Variants in CYP4F11 observed in about 807,000 individuals in gnomAD.
CYP4F11 encodes the protein cytochrome P450 family 4 subfamily F member 11.
CYP4F11 carries 79 observed loss-of-function variants against 62.2 expected under a neutral mutation model. That is an observed-to-expected ratio of 1.27 (90% CI 1.06 to 1.53). The LOEUF is 1.53. Ranked by LOEUF, CYP4F11 falls within the 40% of genes most tolerant of loss-of-function variation. CYP4F11 has a pLI of 0.00. For missense variants in CYP4F11, 777 were observed against 680.5 expected, an observed-to-expected ratio of 1.14 and a Z score of -1.58; for synonymous variants, 290 against 263.7, an observed-to-expected ratio of 1.10 and a Z score of -0.97.
chr19:15,915,665 A>C (rs1016682697), intron 8 of CYP4F11, among the ~76,000 whole-genome samples: 4 of 152,094 alleles, frequency 2.6e-5, no homozygotes, highest in African/African-American at 9.7e-5. Flanking sequence ...ATCTTTTCTC[A>C]TTTAACAGTA....
chr19:15,926,605 A>G (rs979011028), intron 4 of CYP4F11, among the ~76,000 whole-genome samples: 2 of 152,230 alleles, frequency 1.3e-5, no homozygotes, highest in Non-Finnish European at 2.9e-5. Flanking sequence ...GAGACATTGC[A>G]GTCTCCTGGC....
chr19:15,923,281 T>TCTCTCTCTG (rs2089643303), intron 6 of CYP4F11, among the ~76,000 whole-genome samples: 1 of 63,926 alleles, frequency 1.6e-5, no homozygotes, highest in Non-Finnish European at 3.7e-5. Flanking sequence ...CTCTCTCTCT[T>TCTCTCTCTG]TCTCATTCCC....
intron 8 of CYP4F11, among the ~76,000 whole-genome samples, chr19:15,916,979 T>C (rs2089588171): frequency 6.6e-6 from 1 of 152,182 alleles, no homozygotes; most frequent in South Asian, 2.1e-4. Flanking sequence ...ACACGCATGC[T>C]TATAGTAGCA....
In CYP4F11 at chr19:15,914,795, A is replaced by T; in HGVS notation, c.1216T>A (p.Phe406Ile). The T allele has an allele frequency of 6.2e-7, 1 of 1,614,164 alleles. No individual in the cohort carries two copies. Among genetic ancestry groups the T allele is most frequent in the Non-Finnish European group, 8.5e-7 (1 of 1,180,028 alleles). ...PVISRCCTQDFVLPDGRVIPK... is the reference protein window; with the variant it reads ...PVISRCCTQDIVLPDGRVIPK... ...ATGACGCGGCCGTCTGGGAGCACAAAGTCCTGCGTGCAACATCGGGAGATG... is the reference window on the plus strand; with the variant it reads ...ATGACGCGGCCGTCTGGGAGCACAATGTCCTGCGTGCAACATCGGGAGATG... Residue 406 changes from phenylalanine to isoleucine, a missense_variant, in exon 9 of 12, where the codon TTT becomes ATT. Coordinates refer to ENST00000402119, the MANE Select transcript of CYP4F11 (RefSeq NM_021187.4).
Position 15,913,915 on chromosome 19 carries a change from G to A in CYP4F11, c.1398-6C>T, listed in dbSNP as rs2089559444. The stretch of plus-strand genomic sequence containing the variant: ...ACGCCTGCCCGATGCAGTTTCTGGG[G>A]GCAAAAGTGAGGGAATCTGACTGTG... On this transcript the variant is annotated splice_polypyrimidine_tract_variant and splice_region_variant and intron_variant, in intron 11 of 11. Coordinates refer to ENST00000402119, the MANE Select transcript of CYP4F11 (RefSeq NM_021187.4). 6.2e-7 allele frequency: 1 copy of A among 1,608,574 alleles called. No homozygotes were observed. Among genetic ancestry groups the A allele is most frequent in the Non-Finnish European group, 8.5e-7 (1 of 1,177,402 alleles).
rs1275328718 is a variant in CYP4F11 at position 15,912,729 on chromosome 19, GTGTGTA to G, written c.*997_*1002del. 6.2e-4 allele frequency: 42 copies of G among 67,740 alleles called. 2 individuals carry two copies. The highest frequency in any genetic ancestry group is 1.2e-3 in the East Asian group (2 of 1,714). 4.2% of individuals were successfully genotyped at this position (67,740 alleles called of 1,614,324 possible). On this transcript the variant is annotated 3_prime_UTR_variant, in exon 12 of 12. Transcript: ENST00000402119. ...TGTGTGTGTGTGTGTGTGTGTGTGT[GTGTGTA>G]TATGTATATATGTGTGTGTGTGTGT...
At chr19:15,915,175 C>A (rs1223054462) in intron 8 of CYP4F11, among the ~76,000 whole-genome samples, 3 of 152,090 alleles carry the variant, frequency 2.0e-5, no homozygotes, top group Non-Finnish European at 4.4e-5. Flanking sequence ...AGGTAAATAT[C>A]CTTTATGGTA....
At chr19:15,917,978 T>C (rs2089595444) in intron 8 of CYP4F11, among the ~76,000 whole-genome samples, 1 of 152,188 alleles carries the variant, frequency 6.6e-6, no homozygotes, top group Non-Finnish European at 1.5e-5. Context: ...TATAAAGATA[T>C]ATGCATGCAT....
intron 2 of CYP4F11, chr19:15,927,831 T>C: frequency 3.8e-6 from 1 of 261,820 alleles, no homozygotes. Context: ...TGCTATCTTC[T>C]GACATGGATC....
chr19:15,916,284 A>G (rs952025386), intron 8 of CYP4F11, among the ~76,000 whole-genome samples: 2 of 152,172 alleles, frequency 1.3e-5, no homozygotes, highest in Admixed American at 1.3e-4. Flanking sequence ...AACTTACTCT[A>G]AACTTTTTTG....
intron 11 of CYP4F11, 62 bp downstream of exon 11, chr19:15,914,243 C>G: frequency 6.5e-7 from 1 of 1,549,120 alleles, no homozygotes; most frequent in Non-Finnish European, 8.8e-7. Flanking sequence ...TCTGTAACTT[C>G]CCCCTTTTTG....
rs1452313379 is a variant in CYP4F11, at chr19:15,924,954, AG to A, written c.526-73del. 6 of 1,505,784 alleles carry A rather than the reference AG, an allele frequency of 4.0e-6. No individual in the cohort carries two copies. The African/African-American group carries it at 8.4e-5, about 21-fold the overall frequency. 93.3% of individuals were successfully genotyped at this position (1,505,784 alleles called of 1,614,324 possible). A position where few individuals can be genotyped will look rare whatever the true frequency, so the allele number is the denominator to read the frequency against. On this transcript the variant is annotated intron_variant, in intron 4 of 11. Coordinates refer to ENST00000402119, the MANE Select transcript of CYP4F11 (RefSeq NM_021187.4). ...AGCACCTTCCCAGACCCAAACATCAAGATGGACTCCCTGCAATCATCCTCCT... is the reference window on the plus strand; with the variant it reads ...AGCACCTTCCCAGACCCAAACATCAAATGGACTCCCTGCAATCATCCTCCT...
intron 8 of CYP4F11, among the ~76,000 whole-genome samples, chr19:15,916,616 G>T (rs1357695886): frequency 1.3e-5 from 2 of 152,052 alleles, no homozygotes; most frequent in South Asian, 2.1e-4. Context: ...AGTAGGCAAA[G>T]ACATGAATAG....
intron 4 of CYP4F11, among the ~76,000 whole-genome samples, chr19:15,925,474 C>G (rs1022417356): frequency 6.6e-6 from 1 of 151,846 alleles, no homozygotes; most frequent in Non-Finnish European, 1.5e-5. Flanking sequence ...AAAAATATCC[C>G]TATTACTTGG....
In CYP4F11 at chr19:15,914,457, A is replaced by C. The variant is rs2145035326; in HGVS notation, c.1315-70T>G. The C allele has an allele frequency of 2.6e-6, 4 of 1,567,072 alleles. No individual in the cohort carries two copies. In the East Asian group the frequency reaches 9.0e-5, roughly 35 times the overall value. ...TGGGTGGGGTCTCCCAGTTGTCTCC[A>C]AGACCCCCGGCCTTGGAGAGACATT... On this transcript the variant is annotated intron_variant, in intron 10 of 11. Coordinates refer to ENST00000402119, the MANE Select transcript of CYP4F11 (RefSeq NM_021187.4).
At chr19:15,913,997 G>A (rs562813683) in intron 11 of CYP4F11, 88 bp from the exon 12 acceptor site, 36 of 1,472,576 alleles carry the variant, frequency 2.4e-5, no homozygotes, top group African/African-American at 1.1e-4. Context: ...GACCCCAAAC[G>A]CACCCACATA....
In CYP4F11 at chr19:15,912,859, A is replaced by T. The variant is rs999965882; in HGVS notation, c.*873T>A. 6.7e-6 allele frequency: 1 copy of T among 149,596 alleles called. No homozygotes were observed. The highest frequency in any genetic ancestry group is 1.5e-5 in the Non-Finnish European group (1 of 67,708). The allele number at this position is 149,596 out of a possible 1,614,324, so 9.3% of individuals were successfully genotyped here. On this transcript the variant is annotated 3_prime_UTR_variant, in exon 12 of 12. Coordinates refer to ENST00000402119, the MANE Select transcript of CYP4F11 (RefSeq NM_021187.4). ...AGAAGAGGTTGTTCAAGGAGCACAG[A>T]TATTAGAATTTTTGCCTTTGAGTTC...
chr19:15,926,663 G>T (rs7247988), intron 4 of CYP4F11, among the ~76,000 whole-genome samples: 123,065 of 152,166 alleles, frequency 0.81, 50,008 homozygotes, highest in East Asian at 0.99. Flanking sequence ...GGGTGCCTCC[G>T]GGAGGCAGAG....
At position 15,913,561 on chromosome 19, in the gene CYP4F11, G is replaced by A. The variant is rs1368182862; in HGVS notation, c.*171C>T. 2.8e-5 allele frequency: 22 copies of A among 782,438 alleles called. 2 individuals carry two copies. The highest frequency in any genetic ancestry group is 5.5e-5 in the East Asian group (2 of 36,666). 48.5% of individuals were successfully genotyped at this position (782,438 alleles called of 1,614,324 possible). A position where few individuals can be genotyped will look rare whatever the true frequency, so the allele number is the denominator to read the frequency against. ...TGCCCTGTGCTCAGCCAGAGAGGCC[G>A]TCAGGGTTTTGGGTTCAGAGACGTC... On this transcript the variant is annotated 3_prime_UTR_variant, in exon 12 of 12. Coordinates refer to ENST00000402119, the MANE Select transcript of CYP4F11 (RefSeq NM_021187.4).
Sources: allele counts gnomAD v4.1 joint callset (sites outside exome capture counted in the v4.1 genomes callset), GRCh38; gene constraint gnomAD v4.1.1; transcripts MANE v1.5; gene names NCBI Gene and HGNC (gene_info 2026-07-23, HGNC 2026-07-21).